The following KIF13A variants were observed in gnomAD, a reference collection of about 807,000 sequenced individuals.
KIF13A encodes kinesin family member 13A.
A neutral mutation model predicts 212.2 loss-of-function variants in KIF13A; 79 were observed. The ratio of observed to expected loss-of-function variants is 0.37; its 90% confidence interval spans 0.31 to 0.45. KIF13A has a LOEUF of 0.45. Among genes scored for constraint, KIF13A ranks in the 20% least tolerant of loss-of-function variants. The pLI, the probability that KIF13A is intolerant of heterozygous loss-of-function variation, is 1.00. For missense variants in KIF13A, 1,901 were observed against 2,209.0 expected, an observed-to-expected ratio of 0.86 and a Z score of 2.79; for synonymous variants, 789 against 808.6, an observed-to-expected ratio of 0.98 and a Z score of 0.41.
At chr6:17,865,280 T>G (rs935669423) in intron 4 of KIF13A, among the ~76,000 whole-genome samples, 2 of 151,934 alleles carry the variant, frequency 1.3e-5, no homozygotes, top group Non-Finnish European at 2.9e-5. Context: ...CAGTTTTCCT[T>G]CCTTTCCCTA....
At chr6:17,858,855 C>T (rs1200707033) in intron 4 of KIF13A, among the ~76,000 whole-genome samples, 1 of 150,602 alleles carries the variant, frequency 6.6e-6, no homozygotes, top group Non-Finnish European at 1.5e-5. Context: ...CTAAGTCAAG[C>T]ATCCTGACCA....
intron 2 of KIF13A, among the ~76,000 whole-genome samples, chr6:17,986,367 G>A (rs2150655826): frequency 6.6e-6 from 1 of 152,258 alleles, no homozygotes; most frequent in South Asian, 2.1e-4. Context: ...GGATCCAACA[G>A]TTACCACTTT....
At chr6:17,796,414 T>C (rs1762038357) in intron 23 of KIF13A, among the ~76,000 whole-genome samples, 1 of 151,616 alleles carries the variant, frequency 6.6e-6, no homozygotes, top group Non-Finnish European at 1.5e-5. Context: ...CTGGGTAATT[T>C]TTGTATTTAG....
chr6:17,866,408 G>A lies in KIF13A; in HGVS notation c.220+6969C>T, dbSNP rs991214206. Reference sequence around the variant, plus strand: ...TTGAATGACTCTTCAGGATGAGAGAGGAGAGGAGCACCATAGGCTGGAGTA... The same window carrying A: ...TTGAATGACTCTTCAGGATGAGAGAAGAGAGGAGCACCATAGGCTGGAGTA... On this transcript the variant is annotated intron_variant, in intron 4 of 38. Coordinates refer to ENST00000259711, the MANE Select transcript of KIF13A (RefSeq NM_022113.6). Among the ~76,000 whole-genome samples the A allele has an allele frequency of 1.8e-4, 27 of 152,250 alleles. 1 individual carries two copies. The highest frequency in any genetic ancestry group is 6.3e-4 in the African/African-American group (26 of 41,540).
intron 9 of KIF13A, among the ~76,000 whole-genome samples, chr6:17,846,621 A>G (rs1202559491): frequency 6.6e-6 from 1 of 151,700 alleles, no homozygotes; most frequent in Admixed American, 6.6e-5. Flanking sequence ...AAAAAAAAAA[A>G]AAAAGGGAAG....
chr6:17,948,580 T>TTC (rs766779438), intron 2 of KIF13A, among the ~76,000 whole-genome samples: 2,232 of 147,166 alleles, frequency 0.015, 26 homozygotes, highest in Non-Finnish European at 0.027. Context: ...TTTTTTTTTT[T>TTC]TGAGACAAGT....
At position 17,772,468 on chromosome 6, in the gene KIF13A, A is replaced by C. The variant is rs924295459; in HGVS notation, c.4325-409T>G. On this transcript the variant is annotated intron_variant, in intron 36 of 38. Transcript: ENST00000259711. The surrounding 1 kb of genome is among the most constrained non-coding windows in gnomAD (Gnocchi z 4.8). ...ACAAACAACAAACAAAAAAACCCCC[A>C]AAAAACCATGGAACAGATGTAGGCA... is the stretch of plus-strand genomic sequence containing the variant. Among the ~76,000 whole-genome samples the C allele has an allele frequency of 6.6e-6, 1 of 152,288 alleles. No individual in the cohort carries two copies. Among genetic ancestry groups the C allele is most frequent in the East Asian group, 1.9e-4 (1 of 5,176 alleles).
intron 38 of KIF13A, among the ~76,000 whole-genome samples, chr6:17,765,645 C>T (rs898281451): frequency 6.6e-6 from 1 of 152,130 alleles, no homozygotes; most frequent in African/African-American, 2.4e-5. Context: ...AAATGAAAAT[C>T]TCCTTTGTAA....
At chr6:17,793,535 A>AT (rs1761780593) in intron 25 of KIF13A, among the ~76,000 whole-genome samples, 1 of 152,232 alleles carries the variant, frequency 6.6e-6, no homozygotes, top group Non-Finnish European at 1.5e-5. Context: ...AAAAATGATC[A>AT]TAAGGACAAA....
intron 2 of KIF13A, among the ~76,000 whole-genome samples, chr6:17,904,625 T>C (rs538693542): frequency 2.6e-5 from 4 of 152,184 alleles, no homozygotes; most frequent in Non-Finnish European, 5.9e-5. Context: ...AATAGCCTGT[T>C]GCAACAACAG....
rs762460374 is a variant in KIF13A, at chr6:17,968,010, A to G, written c.146+19044T>C. The stretch of plus-strand genomic sequence containing the variant: ...TCACATGACTTCCATTCCAATGTAC[A>G]TTCTTGGACGGCATACTGAGAATTG... On this transcript the variant is annotated intron_variant, in intron 2 of 38. Transcript: ENST00000259711. This position sits in a 1 kb window ranked among gnomAD's most constrained non-coding sequence, Gnocchi z 4.7. Among the ~76,000 whole-genome samples, 10 of 152,176 alleles carry G rather than the reference A, an allele frequency of 6.6e-5. No individual in the cohort carries two copies. Among genetic ancestry groups the G allele is most frequent in the Non-Finnish European group, 1.5e-4 (10 of 68,038 alleles).
At chr6:17,862,744 T>G (rs997043973) in intron 4 of KIF13A, among the ~76,000 whole-genome samples, 1 of 152,022 alleles carries the variant, frequency 6.6e-6, no homozygotes, top group Non-Finnish European at 1.5e-5. Flanking sequence ...GTCAGGAGAT[T>G]GAGACCAACC....
chr6:17,840,323 AGAG>A (rs1336986346), intron 9 of KIF13A, among the ~76,000 whole-genome samples: 1 of 152,228 alleles, frequency 6.6e-6, no homozygotes, highest in Non-Finnish European at 1.5e-5. Context: ...ATGTGATAAT[AGAG>A]GCAAGTAGGA....
chr6:17,959,261 C>G (rs1042044125), intron 2 of KIF13A, among the ~76,000 whole-genome samples: 16 of 152,158 alleles, frequency 1.1e-4, no homozygotes, highest in African/African-American at 3.6e-4. Context: ...TTCATAAGAG[C>G]TTCTAGAGAC....
chr6:17,926,394 G>T lies in KIF13A; in HGVS notation c.147-28214C>A, dbSNP rs577102075. ...ATAACAGGCACGCACCACCACACCCGGCTAATTTTTGTATTTTTAGTAGAG... is the reference window on the plus strand; with the variant it reads ...ATAACAGGCACGCACCACCACACCCTGCTAATTTTTGTATTTTTAGTAGAG... On this transcript the variant is annotated intron_variant, in intron 2 of 38. Coordinates refer to ENST00000259711, the MANE Select transcript of KIF13A (RefSeq NM_022113.6). The surrounding 1 kb of genome is among the most constrained non-coding windows in gnomAD (Gnocchi z 4.3). Among the ~76,000 whole-genome samples the T allele has an allele frequency of 6.6e-6, 1 of 152,136 alleles. No homozygotes were observed. Among genetic ancestry groups the T allele is most frequent in the East Asian group, 1.9e-4 (1 of 5,158 alleles).
chr6:17,835,346 TA>T (rs1765858133), intron 11 of KIF13A, among the ~76,000 whole-genome samples: 1 of 151,854 alleles, frequency 6.6e-6, no homozygotes, highest in Non-Finnish European at 1.5e-5. Context: ...GTGGTCACAG[TA>T]AAAATGCAAA....
chr6:17,790,090 A>T (rs1278586970), intron 25 of KIF13A, among the ~76,000 whole-genome samples, 180 bp from the exon 26 acceptor site: 5 of 152,212 alleles, frequency 3.3e-5, no homozygotes, highest in Non-Finnish European at 5.9e-5. Context: ...GTCTATAAAG[A>T]ATTTTTCACA....
At chr6:17,833,014 CAAAAAAAAAAAA>C (rs61281213) in intron 12 of KIF13A, among the ~76,000 whole-genome samples, 3,371 of 75,396 alleles carry the variant, frequency 0.045, 71 homozygotes, top group Non-Finnish European at 0.061. Flanking sequence ...ACTCTGTCTG[CAAAAAAAAAAAA>C]AAAAAAAAAA....
chr6:17,874,394 T>C (rs1405560879), intron 3 of KIF13A, among the ~76,000 whole-genome samples: 2 of 152,168 alleles, frequency 1.3e-5, no homozygotes, highest in African/African-American at 4.8e-5. Flanking sequence ...TGTTTAGTAT[T>C]TGGCATGTCT....
Sources: allele counts gnomAD v4.1 joint callset (sites outside exome capture counted in the v4.1 genomes callset), GRCh38; gene constraint gnomAD v4.1.1; non-coding constraint Gnocchi (gnomAD v3.1); transcripts MANE v1.5; gene names NCBI Gene and HGNC (gene_info 2026-07-23, HGNC 2026-07-21).